Variants in ARMC5 observed in about 807,000 individuals in gnomAD.
The protein encoded by ARMC5 is armadillo repeat containing 5, also known as armadillo repeat-containing protein 5.
In ARMC5, 28 loss-of-function variants were observed where a neutral mutation model predicts 60.5. That is an observed-to-expected ratio of 0.46 (90% CI 0.34 to 0.63). ARMC5 has a LOEUF of 0.63. ARMC5 is among the 30% of genes least tolerant of loss of function. The pLI is 0.01. For missense variants in ARMC5, 1,189 were observed against 1,304.9 expected, an observed-to-expected ratio of 0.91 and a Z score of 1.37; for synonymous variants, 680 against 607.3, an observed-to-expected ratio of 1.12 and a Z score of -1.76.
At chr16:31,463,389 G>GTAAT (rs2082321975) in intron 3 of ARMC5, among the ~76,000 whole-genome samples, 1 of 152,160 alleles carries the variant, frequency 6.6e-6, no homozygotes, top group Admixed American at 6.5e-5. Context: ...ATGAGCCACT[G>GTAAT]CACTGGCTGG....
rs6565233 is a variant in ARMC5, at chr16:31,464,143, T to C, written c.1371-251T>C. Among the ~76,000 whole-genome samples, 1 of 137,758 alleles carries C rather than the reference T, an allele frequency of 7.3e-6. No individual in the cohort carries two copies. The highest frequency in any genetic ancestry group is 2.0e-4 in the East Asian group (1 of 4,952). The allele number at this position is 137,758 out of a possible 152,430, so 90.4% of individuals were successfully genotyped here. ...CATCTCTACAAAACATTTAAAAAAT[T>C]AGCTGAGTGTGGTGCACACAGCTGT... On this transcript the variant is annotated intron_variant, in intron 3 of 5. Coordinates refer to ENST00000268314, the MANE Select transcript of ARMC5 (RefSeq NM_001105247.2). This position sits in a 1 kb window ranked among gnomAD's most constrained non-coding sequence, Gnocchi z 7.6.
chr16:31,464,788 G>A lies in ARMC5; in HGVS notation c.1765G>A (p.Ala589Thr), dbSNP rs769574844. The change falls in exon 4 of 6, where the codon GCG becomes ACG. Residue 589 changes from alanine to threonine, a missense_variant. Physicochemically the swap from Ala to Thr is moderately conservative, Grantham distance 58. Transcript: ENST00000268314. This position sits in a 1 kb window ranked among gnomAD's most constrained non-coding sequence, Gnocchi z 7.6. ...CLEAFVRSYG[A>T]ALLRAWLVLG... Reference sequence around the variant, plus strand: ...CGAGGCCTTCGTGCGCAGCTATGGCGCGGCGCTGCTGCGGGCCTGGCTGGT... The same window carrying A: ...CGAGGCCTTCGTGCGCAGCTATGGCACGGCGCTGCTGCGGGCCTGGCTGGT... 1.3e-6 allele frequency: 2 copies of A among 1,598,836 alleles called. No individual in the cohort carries two copies. Among genetic ancestry groups the A allele is most frequent in the Non-Finnish European group, 1.7e-6 (2 of 1,179,032 alleles).
chr16:31,459,026 C>T (rs1024485271), upstream of ARMC5: 36 of 1,529,502 alleles, frequency 2.4e-5, no homozygotes, highest in Non-Finnish European at 3.1e-5. Flanking sequence ...TCCCCGTCTG[C>T]GGCGCGGTCA....
chr16:31,459,444 C>A, upstream of ARMC5: 1 of 1,545,050 alleles, frequency 6.5e-7, no homozygotes, highest in Non-Finnish European at 8.7e-7. Context: ...CGAGGCGGTG[C>A]CCGACGATTT....
In ARMC5 at chr16:31,462,405, C is replaced by A. The variant is rs373679116; in HGVS notation, c.858C>A (p.Leu286=). 7 of 1,610,104 alleles carry A rather than the reference C, an allele frequency of 4.3e-6. No individual in the cohort carries two copies. The highest frequency in any genetic ancestry group is 5.9e-6 in the Non-Finnish European group (7 of 1,177,710). The change falls in exon 3 of 6, where the codon CTC becomes CTA. Residue 286 remains leucine, a synonymous_variant. Transcript: ENST00000268314. This position sits in a 1 kb window ranked among gnomAD's most constrained non-coding sequence, Gnocchi z 7.2. ...QLSLGGGLGP[L]VSLASHPKRA... ...GTCTGGGTGGGGGATTGGGCCCACT[C>A]GTCAGCCTGGCTTCCCACCCCAAGC...
chr16:31,465,773 C>T (rs924256404), intron 4 of ARMC5, 77 bp from the exon 5 acceptor site: 76 of 1,585,592 alleles, frequency 4.8e-5, no homozygotes, highest in South Asian at 1.3e-4. Flanking sequence ...CTTCATCTCA[C>T]GGGCCCAGAG....
chr16:31,466,505 T>C lies in ARMC5; in HGVS notation c.2424T>C (p.His808=). ...GAAWPVLHHL[H]GCRGCGAALG... ...CCTGGCCTGTCCTGCATCATTTGCA[T>C]GGTTGTCGGGGGTGTGGGGCTGCCC... Residue 808 remains histidine, a synonymous_variant, in exon 6 of 6, where the codon CAT becomes CAC. Transcript: ENST00000268314. The surrounding 1 kb of genome is among the most constrained non-coding windows in gnomAD (Gnocchi z 8.0). 2 of 1,610,298 alleles carry C rather than the reference T, an allele frequency of 1.2e-6. No homozygotes were observed. Among genetic ancestry groups the C allele is most frequent in the Non-Finnish European group, 1.7e-6 (2 of 1,179,674 alleles).
upstream of ARMC5, chr16:31,459,230 G>A: frequency 4.6e-6 from 7 of 1,532,226 alleles, no homozygotes; most frequent in Non-Finnish European, 6.1e-6. Context: ...GGCCCACCTG[G>A]AGGGCCCTGG....
In ARMC5 at chr16:31,466,666, C is replaced by T. The variant is rs1163206925; in HGVS notation, c.2585C>T (p.Pro862Leu). The change falls in exon 6 of 6, where the codon CCC (proline) becomes CTC (leucine). Residue 862 changes from proline to leucine, a missense_variant. Transcript: ENST00000268314. This position sits in a 1 kb window ranked among gnomAD's most constrained non-coding sequence, Gnocchi z 8.0. ...GCCGTGGGCCGCATCCACCTGGGAC[C>T]CCAGGGTGGCCCGGAGTCAGTGGGT... is the stretch of plus-strand genomic sequence containing the variant. ...EEAVGRIHLG[P>L]QGGPESVGEV... 1.3e-6 allele frequency: 2 copies of T among 1,578,398 alleles called. No individual in the cohort carries two copies. Among genetic ancestry groups the T allele is most frequent in the African/African-American group, 1.3e-5 (1 of 74,160 alleles).
chr16:31,462,828 G>A lies in ARMC5; in HGVS notation c.1281G>A (p.Glu427=). The change falls in exon 3 of 6, where the codon GAG becomes GAA. Residue 427 remains glutamate (E), a synonymous_variant. Coordinates refer to ENST00000268314, the MANE Select transcript of ARMC5 (RefSeq NM_001105247.2). This position sits in a 1 kb window ranked among gnomAD's most constrained non-coding sequence, Gnocchi z 7.2. ...AGCTGTGTGGTGAGGCTGGTGAGGA[G>A]GAAGAAGAGGGAAGAGAAGCTGCTT... ...AGQLCGEAGE[E]EEEGREAASW... The A allele has an allele frequency of 6.2e-7, 1 of 1,614,066 alleles. No homozygotes were observed. Among genetic ancestry groups the A allele is most frequent in the Non-Finnish European group, 8.5e-7 (1 of 1,180,028 alleles).
upstream of ARMC5, chr16:31,459,087 C>A: frequency 6.7e-7 from 1 of 1,485,942 alleles, no homozygotes. Flanking sequence ...CGTCCCAAGG[C>A]CGGGCCGCAC....
chr16:31,459,870 T>C lies in ARMC5; in HGVS notation c.346T>C (p.Ser116Pro). The change falls in exon 1 of 6, where the codon TCG (serine) becomes CCG (proline). Residue 116 changes from serine to proline, a missense_variant. Ser to Pro is a moderately conservative substitution (Grantham distance 74, BLOSUM62 -1). Around this residue, in one of 2 missense-constraint regions of ARMC5, gnomAD observed 327 missense variants for 233.7 expected, o/e 1.40. Coordinates refer to ENST00000268314, the MANE Select transcript of ARMC5 (RefSeq NM_001105247.2). ...GGGCCCCGCCCCCTCCGCTGTGTCG[T>C]CGTCTAGTCCTACGCCGCCAGTGCG... The part of the protein sequence containing the change: ...ASGPAPSAVS[S>P]SSPTPPVRLR... The C allele has an allele frequency of 6.2e-7, 1 of 1,603,468 alleles. No homozygotes were observed. Among genetic ancestry groups the C allele is most frequent in the Non-Finnish European group, 8.5e-7 (1 of 1,179,374 alleles).
rs1596603232 is a variant in ARMC5 at position 31,462,824 on chromosome 16, A to G, written c.1277A>G (p.Glu426Gly). Residue 426 changes from glutamate (E) to glycine (G), a missense_variant, in exon 3 of 6, where the codon GAG becomes GGG. Glu to Gly is a moderately conservative substitution (Grantham distance 98, BLOSUM62 -2). Coordinates refer to ENST00000268314, the MANE Select transcript of ARMC5 (RefSeq NM_001105247.2). This position sits in a 1 kb window ranked among gnomAD's most constrained non-coding sequence, Gnocchi z 7.2. ...LAGQLCGEAG[E>G]EEEEGREAAS... ...GGGCAGCTGTGTGGTGAGGCTGGTG[A>G]GGAGGAAGAAGAGGGAAGAGAAGCT... 1 of 1,613,954 alleles carries G rather than the reference A, an allele frequency of 6.2e-7. No individual in the cohort carries two copies. The highest frequency in any genetic ancestry group is 8.5e-7 in the Non-Finnish European group (1 of 1,179,976).
intron 4 of ARMC5, 180 bp from the exon 5 acceptor site, chr16:31,465,670 T>TG (rs2082350281): frequency 6.1e-5 from 87 of 1,433,912 alleles, no homozygotes; most frequent in Admixed American, 2.7e-4. Flanking sequence ...CTGTCCCACC[T>TG]TCTGTCCTTG....
At chr16:31,459,062 G>A (rs1374582961), upstream of ARMC5, 20 of 1,503,196 alleles carry the variant, frequency 1.3e-5, no homozygotes, top group African/African-American at 4.2e-5. Context: ...GGCCCGGCTC[G>A]GGGTTCTCGG....
chr16:31,458,479 C>G, upstream of ARMC5: 1 of 1,535,762 alleles, frequency 6.5e-7, no homozygotes, highest in Non-Finnish European at 8.7e-7. Flanking sequence ...ACATCGGAAG[C>G]TTCTGCCATA....
At chr16:31,463,834 G>A (rs193051296) in intron 3 of ARMC5, among the ~76,000 whole-genome samples, 26 of 152,272 alleles carry the variant, frequency 1.7e-4, no homozygotes, top group African/African-American at 5.8e-4. Flanking sequence ...TAAACTCCAG[G>A]GGGACAGGCA....
At chr16:31,460,087 C>T in intron 1 of ARMC5, 88 bp downstream of exon 1, 1 of 1,395,770 alleles carries the variant, frequency 7.2e-7, no homozygotes, top group South Asian at 1.2e-5. Flanking sequence ...TCTTTGTGTC[C>T]TATCCCGGAA....
chr16:31,461,245 C>T (rs191915818), intron 1 of ARMC5, among the ~76,000 whole-genome samples: 1 of 152,234 alleles, frequency 6.6e-6, no homozygotes, highest in Non-Finnish European at 1.5e-5. Flanking sequence ...TATTCTTTCC[C>T]CATAATGCAT....
Sources: gnomAD v4.1 joint callset for allele counts (sites outside exome capture counted in the v4.1 genomes callset) on GRCh38, gnomAD v4.1.1 for gene constraint, gnomAD v4.1.1 regional missense constraint, Gnocchi (gnomAD v3.1) non-coding constraint, MANE v1.5 for transcripts, NCBI Gene and HGNC (gene_info 2026-07-23, HGNC 2026-07-21) for gene names.